Variants in DOCK4 observed in about 807,000 individuals in gnomAD.
DOCK4 encodes the protein dedicator of cytokinesis protein 4.
In DOCK4, 97 loss-of-function variants were observed where a neutral mutation model predicts 268.1. The observed-to-expected ratio is 0.36, with a 90% CI of 0.31 to 0.43. DOCK4 has a LOEUF of 0.43. Ranked by LOEUF, DOCK4 falls within the 20% of genes least tolerant of loss-of-function variation. DOCK4 has a pLI of 1.00. For synonymous variants in DOCK4, 954 were observed against 887.2 expected, an observed-to-expected ratio of 1.08 and a Z score of -1.34; for missense variants, 2,145 against 2,455.7, an observed-to-expected ratio of 0.87 and a Z score of 2.67.
chr7:111,909,368 C>A (rs1791897039), intron 13 of DOCK4, among the ~76,000 whole-genome samples: 1 of 152,194 alleles, frequency 6.6e-6, no homozygotes, highest in Admixed American at 6.5e-5. Flanking sequence ...AAACATAAGA[C>A]AAACATCTCT....
chr7:111,863,793 G>A (rs1410091318), intron 22 of DOCK4, among the ~76,000 whole-genome samples: 2 of 152,148 alleles, frequency 1.3e-5, no homozygotes, highest in South Asian at 4.1e-4. Context: ...GGGAAATTTT[G>A]GAAAATCACT....
Position 111,814,147 on chromosome 7 carries a change from G to T in DOCK4, c.2931-2198C>A, listed in dbSNP as rs576346207. Among the ~76,000 whole-genome samples, 5 of 152,220 alleles carry T rather than the reference G, an allele frequency of 3.3e-5. No homozygotes were observed. The East Asian group carries it at 9.7e-4, about 29-fold the overall frequency. On this transcript the variant is annotated intron_variant, in intron 27 of 52. Transcript: ENST00000428084. ...CTATCACGCCAAATGTCACAGAAAG[G>T]AGCTAACAAACTCAATCTTCCAAGG... is the stretch of plus-strand genomic sequence containing the variant.
chr7:111,741,022 G>A, intron 47 of DOCK4, 72 bp downstream of exon 47: 1 of 1,566,710 alleles, frequency 6.4e-7, no homozygotes, highest in South Asian at 1.2e-5. Flanking sequence ...CAGCACAGCA[G>A]AATGAACAGA....
intron 30 of DOCK4, among the ~76,000 whole-genome samples, chr7:111,805,987 T>C (rs768323727): frequency 4.6e-5 from 7 of 152,252 alleles, no homozygotes; most frequent in South Asian, 4.1e-4. Context: ...AGCTTTGTCA[T>C]AGTTCAAACT....
intron 1 of DOCK4, among the ~76,000 whole-genome samples, chr7:112,052,121 G>A (rs766034234): frequency 1.3e-5 from 2 of 152,122 alleles, no homozygotes; most frequent in Non-Finnish European, 2.9e-5. Flanking sequence ...CAATGTAAAC[G>A]CTATGTAAAT....
At chr7:112,050,607 A>G (rs930142494) in intron 1 of DOCK4, among the ~76,000 whole-genome samples, 1 of 152,110 alleles carries the variant, frequency 6.6e-6, no homozygotes, top group East Asian at 1.9e-4. Context: ...ACGTTTTTAG[A>G]CAAAATTCAA....
rs140883588 is a variant in DOCK4 at position 112,018,143 on chromosome 7, C to CAAAAAAAAAAAAAAAAAA, written c.38-14030_38-14013dup. ...TGGGCAACACAGCAAGACTCCAGCT[C>CAAAAAAAAAAAAAAAAAA]AAAAAAAAAAAAAAAAAAAAAAAAA... On this transcript the variant is annotated intron_variant, in intron 1 of 52. Transcript: ENST00000428084. Among the ~76,000 whole-genome samples the CAAAAAAAAAAAAAAAAAA allele has an allele frequency of 1.4e-3, 28 of 20,640 alleles. 5 individuals carry two copies. The highest frequency in any genetic ancestry group is 5.1e-3 in the East Asian group (1 of 198). The allele number at this position is 20,640 out of a possible 152,430, so 13.5% of individuals were successfully genotyped here.
At chr7:111,849,499 G>A (rs1048498747) in intron 23 of DOCK4, among the ~76,000 whole-genome samples, 5 of 152,186 alleles carry the variant, frequency 3.3e-5, no homozygotes, top group African/African-American at 1.2e-4. Context: ...CTGACCTCAG[G>A]TGATCCACCC....
intron 36 of DOCK4, among the ~76,000 whole-genome samples, chr7:111,776,079 T>A (rs1376831857): frequency 6.6e-6 from 1 of 152,204 alleles, no homozygotes; most frequent in Non-Finnish European, 1.5e-5. Flanking sequence ...AAAATTAATG[T>A]CTTCCTAAAG....
chr7:111,900,375 G>A lies in DOCK4; in HGVS notation c.1479C>T (p.Ser493=), dbSNP rs1442725593. The change falls in exon 15 of 53, where the codon TCC becomes TCT. Residue 493 remains serine, a splice_region_variant and synonymous_variant. Transcript: ENST00000428084. ...AHIRFEFRHC[S]TKEKGEKKLF... is the part of the protein sequence containing the mutation. ...TAGCCAATGCCACCAAACACTTACT[G>A]GAACAATGCCGAAACTCGAAGCGGA... 1 of 1,612,354 alleles carries A rather than the reference G, an allele frequency of 6.2e-7. No homozygotes were observed. The highest frequency in any genetic ancestry group is 8.5e-7 in the Non-Finnish European group (1 of 1,179,242).
At chr7:111,796,550 C>A (rs1419069043) in intron 30 of DOCK4, among the ~76,000 whole-genome samples, 1 of 152,158 alleles carries the variant, frequency 6.6e-6, no homozygotes, top group African/African-American at 2.4e-5. Flanking sequence ...AAAAAGATGG[C>A]CATTTGGTTT....
rs115369183 is a variant in DOCK4, at chr7:112,053,367, C to G, written c.38-49236G>C. ...GCAAAGGAAAAACAGTCTTGCCTGT[C>G]TCATTTTTGTGACTCAGTGCATACA... is the stretch of plus-strand genomic sequence containing the variant. On this transcript the variant is annotated intron_variant, in intron 1 of 52. Transcript: ENST00000428084. 2.6e-3 allele frequency among the ~76,000 whole-genome samples: 392 copies of G among 152,286 alleles called. 2 individuals carry two copies. The highest frequency in any genetic ancestry group is 8.9e-3 in the African/African-American group (370 of 41,564).
At chr7:112,071,116 G>A (rs1807543392) in intron 1 of DOCK4, among the ~76,000 whole-genome samples, 1 of 152,170 alleles carries the variant, frequency 6.6e-6, no homozygotes, top group African/African-American at 2.4e-5. Context: ...CCTGATAGTA[G>A]GAAAAAACCA....
chr7:111,738,269 G>A (rs190325619), intron 49 of DOCK4, among the ~76,000 whole-genome samples: 6 of 152,276 alleles, frequency 3.9e-5, no homozygotes, highest in Admixed American at 1.3e-4. Context: ...TCCCTTACTC[G>A]CATGAGCAGT....
At chr7:111,834,503 T>C (rs1272401719) in intron 26 of DOCK4, 85 bp downstream of exon 26, 3 of 1,050,582 alleles carry the variant, frequency 2.9e-6, no homozygotes, top group African/African-American at 3.3e-5. Context: ...AAAGCAATTG[T>C]CTAGGATTTA....
rs140316139 is a variant in DOCK4, at chr7:111,785,250, A to C, written c.3402-1127T>G. 3.0e-3 allele frequency among the ~76,000 whole-genome samples: 456 copies of C among 152,254 alleles called. 1 individual carries two copies. The highest frequency in any genetic ancestry group is 5.8e-3 in the South Asian group (28 of 4,822). On this transcript the variant is annotated intron_variant, in intron 32 of 52. Transcript: ENST00000428084. ...AGCGAAGGTCCCCTAGTTTGTTTAA[A>C]ATGTGTTTTCTTTTAAAAACCTCTG... is the stretch of plus-strand genomic sequence containing the variant.
At position 112,022,584 on chromosome 7, in the gene DOCK4, C is replaced by T. The variant is rs971188939; in HGVS notation, c.38-18453G>A. 1.5e-4 allele frequency among the ~76,000 whole-genome samples: 23 copies of T among 152,280 alleles called. No homozygotes were observed. The East Asian group carries it at 2.9e-3, about 19-fold the overall frequency. ...ATTAACCGTGCTGTGCTTCAGTTTC[C>T]TCAGACTGTAAAATTTGGGTAATAA... On this transcript the variant is annotated intron_variant, in intron 1 of 52. Coordinates refer to ENST00000428084, the MANE Select transcript of DOCK4 (RefSeq NM_001363540.2).
chr7:111,970,392 C>G (rs1797616143), intron 8 of DOCK4, among the ~76,000 whole-genome samples: 1 of 151,996 alleles, frequency 6.6e-6, no homozygotes, highest in South Asian at 2.1e-4. Context: ...GTAGTATCCA[C>G]TGTATAGAGT....
In DOCK4 at chr7:111,784,137, C is replaced by T. The variant is rs1585976225; in HGVS notation, c.3402-14G>A. On this transcript the variant is annotated splice_polypyrimidine_tract_variant and intron_variant, in intron 32 of 52. Coordinates refer to ENST00000428084, the MANE Select transcript of DOCK4 (RefSeq NM_001363540.2). ...AATAGTGGAATTCTAATCCAGGAAG[C>T]ATTGACAAAGCAAATTGATTTTCAG... 4 of 1,570,708 alleles carry T rather than the reference C, an allele frequency of 2.5e-6. No homozygotes were observed. The highest frequency in any genetic ancestry group is 3.4e-6 in the Non-Finnish European group (4 of 1,163,728).
Sources: gnomAD v4.1 joint callset for allele counts (sites outside exome capture counted in the v4.1 genomes callset) on GRCh38, gnomAD v4.1.1 for gene constraint, MANE v1.5 for transcripts, NCBI Gene and HGNC (gene_info 2026-07-23, HGNC 2026-07-21) for gene names.